Variants in SMO observed in about 807,000 individuals in gnomAD.
The protein encoded by SMO is smoothened, frizzled class receptor.
Under a neutral mutation model 81.6 loss-of-function variants are expected in SMO, and 40 were observed. The observed-to-expected ratio is 0.49, with a 90% CI of 0.38 to 0.64. The LOEUF is 0.64. SMO is among the 30% of genes least tolerant of loss of function. The pLI is 0.00. For synonymous variants in SMO, 434 were observed against 432.1 expected, an observed-to-expected ratio of 1.00 and a Z score of -0.05; for missense variants, 916 against 1,061.1, an observed-to-expected ratio of 0.86 and a Z score of 1.90.
At chr7:129,190,119 T>G (rs370842240) in intron 1 of SMO, among the ~76,000 whole-genome samples, 9 of 152,188 alleles carry the variant, frequency 5.9e-5, no homozygotes, top group Admixed American at 2.6e-4. Flanking sequence ...AAACCGGCCC[T>G]CTGACGCATG....
intron 1 of SMO, among the ~76,000 whole-genome samples, chr7:129,193,867 G>GGTT (rs1244927029): frequency 7.2e-6 from 1 of 139,014 alleles, no homozygotes; most frequent in Admixed American, 7.5e-5. Flanking sequence ...CACTTTGGGA[G>GGTT]GTTGAGGCAG....
Position 129,209,272 on chromosome 7 carries a change from GC to G in SMO, c.1358-13del. ...ACTGGGCTTGGTAACGTCCTGTCCT[GC>G]CCCTGTCCTCCACAGGCATTTTTGG... is the stretch of plus-strand genomic sequence containing the variant. On this transcript the variant is annotated splice_polypyrimidine_tract_variant and intron_variant, in intron 7 of 11. Coordinates refer to ENST00000249373, the MANE Select transcript of SMO (RefSeq NM_005631.5). 1 of 1,505,842 alleles carries G rather than the reference GC, an allele frequency of 6.6e-7. No individual in the cohort carries two copies. Among genetic ancestry groups the G allele is most frequent in the Non-Finnish European group, 9.2e-7 (1 of 1,081,230 alleles). The allele number at this position is 1,505,842 out of a possible 1,614,324, so 93.3% of individuals were successfully genotyped here. A position where few individuals can be genotyped will look rare whatever the true frequency, so the allele number is the denominator to read the frequency against.
Position 129,206,240 on chromosome 7 carries a change from T to C in SMO, c.1011T>C (p.Tyr337=), listed in dbSNP as rs139224324. ...AGVVWFVVLT[Y]AWHTSFKALG... The stretch of plus-strand genomic sequence containing the variant: ...TGGTTTGGTTTGTGGTCCTCACCTA[T>C]GCCTGGCACACTTCCTTCAAAGCCC... Residue 337 remains tyrosine, a synonymous_variant, in exon 5 of 12, where the codon TAT becomes TAC. Coordinates refer to ENST00000249373, the MANE Select transcript of SMO (RefSeq NM_005631.5). This position sits in a 1 kb window ranked among gnomAD's most constrained non-coding sequence, Gnocchi z 4.4. 1.2e-6 allele frequency: 2 copies of C among 1,614,064 alleles called. No individual in the cohort carries two copies. Among genetic ancestry groups the C allele is most frequent in the Non-Finnish European group, 1.7e-6 (2 of 1,180,016 alleles).
chr7:129,208,702 C>A lies in SMO; in HGVS notation c.1265-57C>A, dbSNP rs2150652054. 9.1e-7 allele frequency: 1 copy of A among 1,104,306 alleles called. No individual in the cohort carries two copies. The highest frequency in any genetic ancestry group is 1.4e-6 in the Non-Finnish European group (1 of 721,962). The allele number at this position is 1,104,306 out of a possible 1,614,324, so 68.4% of individuals were successfully genotyped here. ...TAGGACCCTCCTCCCACTCACCCATCCTTCCCAGCAGGGCAGCCTCACCCC... is the reference window on the plus strand; with the variant it reads ...TAGGACCCTCCTCCCACTCACCCATACTTCCCAGCAGGGCAGCCTCACCCC... On this transcript the variant is annotated intron_variant, in intron 6 of 11. Transcript: ENST00000249373. The surrounding 1 kb of genome is among the most constrained non-coding windows in gnomAD (Gnocchi z 5.2).
Position 129,209,424 on chromosome 7 carries a change from TGCTGGGAGCTGGAGCCAAG to T in SMO, c.1466+30_1466+48del, listed in dbSNP as rs1793828677. ...TGAGTGAGGGGCATGGAGGCGGCAGTGCTGGGAGCTGGAGCCAAGGCCATAAAGACACCCACCTCCACCC... is the reference window on the plus strand; with the variant it reads ...TGAGTGAGGGGCATGGAGGCGGCAGTGCCATAAAGACACCCACCTCCACCC... On this transcript the variant is annotated intron_variant, in intron 8 of 11. Coordinates refer to ENST00000249373, the MANE Select transcript of SMO (RefSeq NM_005631.5). 6 of 1,496,616 alleles carry T rather than the reference TGCTGGGAGCTGGAGCCAAG, an allele frequency of 4.0e-6. No homozygotes were observed. In the East Asian group the frequency reaches 1.4e-4, roughly 34 times the overall value. 92.7% of individuals were successfully genotyped at this position (1,496,616 alleles called of 1,614,324 possible). A position where few individuals can be genotyped will look rare whatever the true frequency, so the allele number is the denominator to read the frequency against.
In SMO at chr7:129,209,414, G is replaced by C. The variant is rs1325881200; in HGVS notation, c.1466+17G>C. On this transcript the variant is annotated intron_variant, in intron 8 of 11. Coordinates refer to ENST00000249373, the MANE Select transcript of SMO (RefSeq NM_005631.5). The stretch of plus-strand genomic sequence containing the variant: ...CTATGTGCTGTGAGTGAGGGGCATG[G>C]AGGCGGCAGTGCTGGGAGCTGGAGC... The C allele has an allele frequency of 6.4e-7, 1 of 1,552,048 alleles. No individual in the cohort carries two copies. The highest frequency in any genetic ancestry group is 8.9e-7 in the Non-Finnish European group (1 of 1,123,538).
At chr7:129,191,085 C>T (rs767968296) in intron 1 of SMO, among the ~76,000 whole-genome samples, 4 of 152,218 alleles carry the variant, frequency 2.6e-5, no homozygotes, top group African/African-American at 4.8e-5. Context: ...CCAAATCTCT[C>T]AGCACTAGAA....
chr7:129,197,009 AC>A (rs1389315042), intron 1 of SMO, among the ~76,000 whole-genome samples: 2 of 93,594 alleles, frequency 2.1e-5, no homozygotes, highest in African/African-American at 7.9e-5. Context: ...ACAGTGAGAC[AC>A]CGTCTCAAAA....
At position 129,206,029 on chromosome 7, in the gene SMO, A is replaced by C. The variant is rs1793759672; in HGVS notation, c.921-121A>C. On this transcript the variant is annotated intron_variant, in intron 4 of 11. Coordinates refer to ENST00000249373, the MANE Select transcript of SMO (RefSeq NM_005631.5). This position sits in a 1 kb window ranked among gnomAD's most constrained non-coding sequence, Gnocchi z 4.4. Reference sequence around the variant, plus strand: ...CAGATCTGACCTGGGTCCTGTCTCCAAGCCCTGACTTCTGGGAACCTCCAG... The same window carrying C: ...CAGATCTGACCTGGGTCCTGTCTCCCAGCCCTGACTTCTGGGAACCTCCAG... 1 of 909,174 alleles carries C rather than the reference A, an allele frequency of 1.1e-6. No homozygotes were observed. The highest frequency in any genetic ancestry group is 1.6e-5 in the South Asian group (1 of 61,306). The allele number at this position is 909,174 out of a possible 1,614,324, so 56.3% of individuals were successfully genotyped here.
At chr7:129,192,302 G>A (rs1421854963) in intron 1 of SMO, among the ~76,000 whole-genome samples, 1 of 152,144 alleles carries the variant, frequency 6.6e-6, no homozygotes, top group Non-Finnish European at 1.5e-5. Flanking sequence ...AAGTATAAGA[G>A]TTGCAGTAGA....
At position 129,188,973 on chromosome 7, in the gene SMO, G is replaced by A. The variant is rs542404134; in HGVS notation, c.-179G>A. On this transcript the variant is annotated 5_prime_UTR_variant, in exon 1 of 12. Transcript: ENST00000249373. The surrounding 1 kb of genome is among the most constrained non-coding windows in gnomAD (Gnocchi z 4.9). The stretch of plus-strand genomic sequence containing the variant: ...ATGGGCCCCGGGTTCCAAAGTTTGC[G>A]AAGTTGGGCGCCGAGGGGCCGGGGC... 5.2e-4 allele frequency: 225 copies of A among 428,728 alleles called. No individual in the cohort carries two copies. The highest frequency in any genetic ancestry group is 4.3e-3 in the African/African-American group (207 of 48,702). 26.6% of individuals were successfully genotyped at this position (428,728 alleles called of 1,614,324 possible).
intron 1 of SMO, among the ~76,000 whole-genome samples, chr7:129,193,785 A>AAATATAT (rs1563145734): frequency 7.6e-5 from 2 of 26,356 alleles, no homozygotes; most frequent in Non-Finnish European, 1.3e-4. Context: ...AAAAAAAAAA[A>AAATATAT]ATATATATAT....
chr7:129,209,552 C>T (rs764894614), intron 8 of SMO, among the ~76,000 whole-genome samples, 155 bp downstream of exon 8: 2 of 152,178 alleles, frequency 1.3e-5, no homozygotes, highest in Admixed American at 6.6e-5. Context: ...CATCAGTCTC[C>T]GTAGTTTCTC....
At chr7:129,197,410 CATAG>C (rs1793601009) in intron 1 of SMO, among the ~76,000 whole-genome samples, 1 of 152,048 alleles carries the variant, frequency 6.6e-6, no homozygotes, top group African/African-American at 2.4e-5. Flanking sequence ...TTCTTTTGAT[CATAG>C]ATGGATGTTG....
At chr7:129,199,816 G>A (rs568579009) in intron 1 of SMO, among the ~76,000 whole-genome samples, 7 of 152,214 alleles carry the variant, frequency 4.6e-5, no homozygotes, top group Non-Finnish European at 7.4e-5. Flanking sequence ...AAACTACAAC[G>A]AAATATTCTT....
chr7:129,196,360 A>C (rs1184751798), intron 1 of SMO, among the ~76,000 whole-genome samples: 1 of 108,610 alleles, frequency 9.2e-6, no homozygotes, highest in Non-Finnish European at 2.0e-5. Flanking sequence ...TGTGTGTTTT[A>C]ATAGAGACAG....
intron 6 of SMO, among the ~76,000 whole-genome samples, chr7:129,207,952 G>C (rs1584663667): frequency 6.6e-6 from 1 of 151,568 alleles, no homozygotes; most frequent in East Asian, 1.9e-4. Context: ...GTTGTAAAAT[G>C]TGAAATACAC....
Position 129,208,868 on chromosome 7 carries a change from G to A in SMO, c.1357+17G>A, listed in dbSNP as rs1235363549. 3 of 1,593,562 alleles carry A rather than the reference G, an allele frequency of 1.9e-6. No individual in the cohort carries two copies. Among genetic ancestry groups the A allele is most frequent in the Non-Finnish European group, 2.6e-6 (3 of 1,162,914 alleles). On this transcript the variant is annotated intron_variant, in intron 7 of 11. Coordinates refer to ENST00000249373, the MANE Select transcript of SMO (RefSeq NM_005631.5). This position sits in a 1 kb window ranked among gnomAD's most constrained non-coding sequence, Gnocchi z 5.2. Reference sequence around the variant, plus strand: ...TGCGCCTGGGTGAGTGGCCCCGGGGGACTTCGGTCTGAGGTCCTGGCCAGC... The same window carrying A: ...TGCGCCTGGGTGAGTGGCCCCGGGGAACTTCGGTCTGAGGTCCTGGCCAGC...
chr7:129,189,341 T>A lies in SMO; in HGVS notation c.190T>A (p.Cys64Ser), dbSNP rs2150638178. 1 of 1,517,036 alleles carries A rather than the reference T, an allele frequency of 6.6e-7. No homozygotes were observed. The highest frequency in any genetic ancestry group is 8.8e-7 in the Non-Finnish European group (1 of 1,139,172). 94.0% of individuals were successfully genotyped at this position (1,517,036 alleles called of 1,614,324 possible). Residue 64 changes from cysteine (C) to serine (S), a missense_variant, in exon 1 of 12, where the codon TGC becomes AGC. Cys to Ser is a moderately radical substitution (Grantham distance 112). Around this residue, in one of 4 missense-constraint regions of SMO, gnomAD observed 146 missense variants for 149.9 expected, o/e 0.97. Coordinates refer to ENST00000249373, the MANE Select transcript of SMO (RefSeq NM_005631.5). This position sits in a 1 kb window ranked among gnomAD's most constrained non-coding sequence, Gnocchi z 4.7. ...VTGPPPPLSH[C>S]GRAAPCEPLR... Reference sequence around the variant, plus strand: ...TGGCCCTCCGCCGCCGCTGAGCCACTGCGGCCGGGCTGCCCCCTGCGAGCC... The same window carrying A: ...TGGCCCTCCGCCGCCGCTGAGCCACAGCGGCCGGGCTGCCCCCTGCGAGCC...
Sources: allele counts gnomAD v4.1 joint callset (sites outside exome capture counted in the v4.1 genomes callset), GRCh38; gene constraint gnomAD v4.1.1; regional missense constraint gnomAD v4.1.1; non-coding constraint Gnocchi (gnomAD v3.1); transcripts MANE v1.5; gene names NCBI Gene and HGNC (gene_info 2026-07-23, HGNC 2026-07-21).